The following NME7 variants were observed in gnomAD, a reference collection of about 807,000 sequenced individuals.
NME7 encodes nucleoside diphosphate kinase 7.
Under a neutral mutation model 49.1 loss-of-function variants are expected in NME7, and 41 were observed. The ratio of observed to expected loss-of-function variants is 0.83; its 90% CI spans 0.65 to 1.08. NME7 has a LOEUF of 1.08. Among genes scored for constraint, NME7 ranks in the 50% least tolerant of loss-of-function variants. The pLI, the probability that NME7 is intolerant of heterozygous loss-of-function variation, is 0.00. For synonymous variants in NME7, 139 were observed against 150.6 expected (o/e 0.92, Z 0.56); for missense variants, 423 against 463.4 (o/e 0.91, Z 0.80).
intron 1 of NME7, among the ~76,000 whole-genome samples, chr1:169,353,697 C>CTACAGGAA (rs1317562302): frequency 6.6e-6 from 1 of 151,918 alleles, no homozygotes; most frequent in Non-Finnish European, 1.5e-5. Flanking sequence ...TCAAACAACT[C>CTACAGGAA]TACAGGAAAA....
At chr1:169,294,330 G>A (rs1650625370) in intron 6 of NME7, among the ~76,000 whole-genome samples, 1 of 152,062 alleles carries the variant, frequency 6.6e-6, no homozygotes, top group Non-Finnish European at 1.5e-5. Context: ...TAAGACACAA[G>A]TCATGGTCTC....
At chr1:169,161,684 G>A (rs949040814) in intron 11 of NME7, among the ~76,000 whole-genome samples, 5 of 152,166 alleles carry the variant, frequency 3.3e-5, no homozygotes, top group African/African-American at 9.7e-5. Flanking sequence ...TGTCAGCCAA[G>A]CTCACCATGA....
At chr1:169,266,403 C>T (rs922072505) in intron 7 of NME7, among the ~76,000 whole-genome samples, 1 of 133,152 alleles carries the variant, frequency 7.5e-6, no homozygotes, top group Admixed American at 7.4e-5. Flanking sequence ...TCAGCATCCC[C>T]TCATGTTAAA....
At chr1:169,212,522 C>T (rs994743523) in intron 10 of NME7, among the ~76,000 whole-genome samples, 1 of 132,762 alleles carries the variant, frequency 7.5e-6, no homozygotes, top group African/African-American at 2.5e-5. Context: ...ATGAGTACTC[C>T]CAAATGAGGG....
intron 1 of NME7, among the ~76,000 whole-genome samples, chr1:169,356,727 C>T (rs908934697): frequency 1.3e-5 from 2 of 152,126 alleles, no homozygotes; most frequent in African/African-American, 4.8e-5. Flanking sequence ...CTTAATTGTA[C>T]AGGACACTAG....
chr1:169,216,303 G>A (rs1660972405), intron 10 of NME7, among the ~76,000 whole-genome samples: 1 of 152,114 alleles, frequency 6.6e-6, no homozygotes, highest in African/African-American at 2.4e-5. Context: ...TTTTCGGGAG[G>A]GAAGAGAAGC....
chr1:169,346,797 G>A (rs924346840), intron 1 of NME7, among the ~76,000 whole-genome samples: 3 of 152,162 alleles, frequency 2.0e-5, no homozygotes, highest in African/African-American at 7.2e-5. Context: ...TTTGTTGAAT[G>A]AATAAATTTA....
At chr1:169,153,158 G>A (rs2101824174) in intron 11 of NME7, among the ~76,000 whole-genome samples, 1 of 152,222 alleles carries the variant, frequency 6.6e-6, no homozygotes, top group South Asian at 2.1e-4. Context: ...TCACCTATGG[G>A]AGCCTCACTC....
intron 11 of NME7, among the ~76,000 whole-genome samples, chr1:169,135,997 C>T (rs775048767): frequency 1.4e-4 from 21 of 152,080 alleles, no homozygotes; most frequent in Non-Finnish European, 2.4e-4. Flanking sequence ...AAATCATAGG[C>T]GGCCTCTAGG....
intron 1 of NME7, among the ~76,000 whole-genome samples, chr1:169,339,842 C>T (rs755246197): frequency 6.6e-6 from 1 of 152,190 alleles, no homozygotes; most frequent in Non-Finnish European, 1.5e-5. Flanking sequence ...AAAGGAAGAA[C>T]AGAGAGGCCA....
chr1:169,302,632 G>T (rs964898639), intron 5 of NME7, among the ~76,000 whole-genome samples: 4 of 152,120 alleles, frequency 2.6e-5, no homozygotes, highest in South Asian at 4.1e-4. Context: ...AGGGAAGGGA[G>T]CAAGGGTTGA....
chr1:169,294,604 C>T (rs568664723), intron 6 of NME7, among the ~76,000 whole-genome samples: 1 of 152,192 alleles, frequency 6.6e-6, no homozygotes, highest in Non-Finnish European at 1.5e-5. Context: ...CACATAAGCT[C>T]ATTTTCCAGC....
chr1:169,341,316 G>A (rs892495689), intron 1 of NME7, among the ~76,000 whole-genome samples: 3 of 152,248 alleles, frequency 2.0e-5, no homozygotes, highest in Non-Finnish European at 4.4e-5. Flanking sequence ...GACACATGGT[G>A]TTGGGATTGC....
chr1:169,151,457 G>C (rs1409824145), intron 11 of NME7, among the ~76,000 whole-genome samples: 1 of 152,148 alleles, frequency 6.6e-6, no homozygotes, highest in East Asian at 1.9e-4. Context: ...GACCTCTACA[G>C]AACTTGACCT....
At chr1:169,205,964 C>T (rs1414911565) in intron 10 of NME7, among the ~76,000 whole-genome samples, 1 of 152,124 alleles carries the variant, frequency 6.6e-6, no homozygotes, top group African/African-American at 2.4e-5. Flanking sequence ...CTTGCTGTTC[C>T]TCCAGCCTGG....
intron 10 of NME7, among the ~76,000 whole-genome samples, chr1:169,195,878 T>C (rs775739841): frequency 4.4e-4 from 62 of 142,100 alleles, no homozygotes; most frequent in Non-Finnish European, 2.7e-4. Context: ...TGTTCAATAG[T>C]AAATGGTATA....
At chr1:169,255,134 T>A (rs1648861706) in intron 7 of NME7, among the ~76,000 whole-genome samples, 1 of 135,000 alleles carries the variant, frequency 7.4e-6, no homozygotes, top group African/African-American at 2.6e-5. Flanking sequence ...ACTTTCTGTC[T>A]CGTTGATCTG....
chr1:169,323,439 T>A (rs1651931090), intron 2 of NME7, among the ~76,000 whole-genome samples, 156 bp from the exon 3 acceptor site: 1 of 152,246 alleles, frequency 6.6e-6, no homozygotes, highest in African/African-American at 2.4e-5. Context: ...TCATAATTTT[T>A]AATAACTTCC....
intron 1 of NME7, among the ~76,000 whole-genome samples, chr1:169,338,701 C>G (rs890683434): frequency 2.0e-5 from 3 of 152,146 alleles, no homozygotes; most frequent in Non-Finnish European, 2.9e-5. Flanking sequence ...AAAGAAAACA[C>G]AGTTATTATG....
Sources: gnomAD v4.1 joint callset for allele counts (sites outside exome capture counted in the v4.1 genomes callset) on GRCh38, gnomAD v4.1.1 for gene constraint, MANE v1.5 for transcripts, NCBI Gene and HGNC (gene_info 2026-07-23, HGNC 2026-07-21) for gene names.